TMEM232: variants seen among roughly 807,000 people sequenced by gnomAD.
TMEM232 encodes the protein transmembrane protein 232.
A neutral mutation model predicts 78.8 loss-of-function variants in TMEM232; 80 were observed. That is an observed-to-expected ratio of 1.01 (90% CI 0.85 to 1.22). The LOEUF (loss-of-function observed/expected upper bound fraction) is 1.22, where lower values mean the gene tolerates loss of function less well. Among genes scored for constraint, TMEM232 ranks in the 50% most tolerant of loss-of-function variants. TMEM232 has a pLI of 0.00. For missense variants in TMEM232, 881 were observed against 742.2 expected, an observed-to-expected ratio of 1.19 and a Z score of -2.17; for synonymous variants, 297 against 254.3, an observed-to-expected ratio of 1.17 and a Z score of -1.60.
At chr5:110,481,591 G>A (rs1284614506) in intron 12 of TMEM232, among the ~76,000 whole-genome samples, 1 of 152,064 alleles carries the variant, frequency 6.6e-6, no homozygotes, top group African/African-American at 2.4e-5. Flanking sequence ...GCCATTAAAT[G>A]CTCATCATGT....
At chr5:110,517,432 T>TA (rs1212986393) in intron 12 of TMEM232, among the ~76,000 whole-genome samples, 1 of 152,190 alleles carries the variant, frequency 6.6e-6, no homozygotes, top group Non-Finnish European at 1.5e-5. Flanking sequence ...ACACAACTTA[T>TA]AAAAAAGCAG....
At chr5:110,485,227 A>G (rs1309435075) in intron 12 of TMEM232, among the ~76,000 whole-genome samples, 1 of 152,208 alleles carries the variant, frequency 6.6e-6, no homozygotes, top group African/African-American at 2.4e-5. Flanking sequence ...GGAACAGAAG[A>G]CTTGAAAAAT....
intron 12 of TMEM232, among the ~76,000 whole-genome samples, chr5:110,466,384 G>C (rs1389450920): frequency 6.6e-6 from 1 of 151,974 alleles, no homozygotes; most frequent in Non-Finnish European, 1.5e-5. Context: ...TGCATATTTG[G>C]CAAAAAATCA....
At chr5:110,490,121 AAAAGAAAGAAAGAAAG>A (rs201189138) in intron 12 of TMEM232, among the ~76,000 whole-genome samples, 5,660 of 110,482 alleles carry the variant, frequency 0.051, 201 homozygotes, top group South Asian at 0.12. Context: ...CTCCGTTTCA[AAAAGAAAGAAAGAAAG>A]AAAGAAAGAA....
chr5:110,693,064 G>A (rs1032505866), intron 1 of TMEM232, among the ~76,000 whole-genome samples: 18 of 152,100 alleles, frequency 1.2e-4, no homozygotes, highest in South Asian at 2.1e-4. Flanking sequence ...CAGTAGGGGC[G>A]GTCTGACACC....
chr5:110,567,745 C>T (rs1561703211), intron 11 of TMEM232, among the ~76,000 whole-genome samples: 1 of 151,932 alleles, frequency 6.6e-6, no homozygotes, highest in Non-Finnish European at 1.5e-5. Context: ...ACCACCTTTA[C>T]ACTTTCTCTA....
chr5:110,636,783 T>G (rs1382942973), intron 5 of TMEM232, among the ~76,000 whole-genome samples: 1 of 152,060 alleles, frequency 6.6e-6, no homozygotes, highest in Non-Finnish European at 1.5e-5. Context: ...TTAATGTGTC[T>G]AATATATTTA....
At chr5:110,660,097 T>C (rs924109731) in intron 2 of TMEM232, among the ~76,000 whole-genome samples, 1 of 152,064 alleles carries the variant, frequency 6.6e-6, no homozygotes, top group Non-Finnish European at 1.5e-5. Flanking sequence ...AGTAAGATAA[T>C]TTTTAAAATT....
chr5:110,597,273 A>G (rs1477862822), intron 10 of TMEM232, among the ~76,000 whole-genome samples: 1 of 152,216 alleles, frequency 6.6e-6, no homozygotes. Context: ...ATTGCTTCAA[A>G]GCGAATAAAA....
intron 11 of TMEM232, among the ~76,000 whole-genome samples, chr5:110,539,407 T>C (rs1431535778): frequency 1.3e-5 from 2 of 152,322 alleles, no homozygotes; most frequent in South Asian, 4.1e-4. Flanking sequence ...GAATAATTAA[T>C]GAGGCTATTA....
chr5:110,615,652 G>GA (rs529735731), intron 8 of TMEM232, among the ~76,000 whole-genome samples: 141 of 151,166 alleles, frequency 9.3e-4, no homozygotes, highest in Non-Finnish European at 1.5e-3. Flanking sequence ...GCAAGAAAAA[G>GA]AAAAAAAAGT....
intron 12 of TMEM232, 146 bp from the exon 13 acceptor site, chr5:110,425,062 T>C: frequency 1.5e-6 from 1 of 683,812 alleles, no homozygotes. Flanking sequence ...CTATGGTATG[T>C]TAGCTTTTAG....
At chr5:110,676,931 T>C (rs888401599) in intron 1 of TMEM232, among the ~76,000 whole-genome samples, 2 of 151,998 alleles carry the variant, frequency 1.3e-5, no homozygotes, top group African/African-American at 2.4e-5. Context: ...GCCAATATTT[T>C]GTATTTTTTA....
intron 12 of TMEM232, among the ~76,000 whole-genome samples, chr5:110,461,186 G>C (rs1275546816): frequency 6.6e-6 from 1 of 151,908 alleles, no homozygotes. Flanking sequence ...TAGTCAAGCT[G>C]TGAATGCAAA....
At chr5:110,676,326 A>AT (rs373306591) in intron 1 of TMEM232, among the ~76,000 whole-genome samples, 26 of 148,280 alleles carry the variant, frequency 1.8e-4, no homozygotes, top group East Asian at 9.9e-4. Context: ...TCTATTTTCA[A>AT]TTTTTTTTTT....
intron 12 of TMEM232, among the ~76,000 whole-genome samples, chr5:110,522,440 C>A (rs1769678237): frequency 6.6e-6 from 1 of 152,102 alleles, no homozygotes; most frequent in Non-Finnish European, 1.5e-5. Flanking sequence ...CAAGCTAGGA[C>A]TTCTTGTTTT....
intron 11 of TMEM232, among the ~76,000 whole-genome samples, chr5:110,535,794 A>C (rs1772260754): frequency 6.6e-6 from 1 of 152,192 alleles, no homozygotes; most frequent in Admixed American, 6.5e-5. Flanking sequence ...GTAATCAAAG[A>C]TAGCATTAAT....
chr5:110,715,969 A>G (rs574865039), intron 1 of TMEM232, among the ~76,000 whole-genome samples: 1 of 152,262 alleles, frequency 6.6e-6, no homozygotes, highest in East Asian at 1.9e-4. Flanking sequence ...CCAATTGCCA[A>G]TCAGAAAATT....
chr5:110,598,579 C>G (rs1780479165), intron 10 of TMEM232, among the ~76,000 whole-genome samples: 1 of 151,948 alleles, frequency 6.6e-6, no homozygotes, highest in Non-Finnish European at 1.5e-5. Context: ...TATTGCGGCA[C>G]TATTCACAAT....
Sources: allele counts gnomAD v4.1 joint callset (sites outside exome capture counted in the v4.1 genomes callset), GRCh38; gene constraint gnomAD v4.1.1; transcripts MANE v1.5; gene names NCBI Gene and HGNC (gene_info 2026-07-23, HGNC 2026-07-21).